Variants in PAWR observed in about 807,000 individuals in gnomAD.
PAWR encodes PRKC apoptosis WT1 regulator protein.
PAWR carries 23 observed loss-of-function variants against 32.0 expected under a neutral mutation model. That is an observed-to-expected ratio of 0.72 (90% CI 0.52 to 1.02). The LOEUF (loss-of-function observed/expected upper bound fraction) is 1.02, where lower values mean the gene tolerates loss of function less well. Among genes scored for constraint, PAWR ranks in the 50% least tolerant of loss-of-function variants. The probability of loss-of-function intolerance (pLI) is 0.00; values close to 1 mark genes in which losing one functional copy is unlikely to be tolerated. For synonymous variants in PAWR, 226 were observed against 187.1 expected, an observed-to-expected ratio of 1.21 and a Z score of -1.70; for missense variants, 457 against 437.7, an observed-to-expected ratio of 1.04 and a Z score of -0.39.
Position 79,587,124 on chromosome 12 carries a change from G to C in PAWR, c.*5483C>G, listed in dbSNP as rs1181653913. 1 of 152,104 alleles carries C rather than the reference G, an allele frequency of 6.6e-6. No individual in the cohort carries two copies. Among genetic ancestry groups the C allele is most frequent in the Non-Finnish European group, 1.5e-5 (1 of 67,976 alleles). 9.4% of individuals were successfully genotyped at this position (152,104 alleles called of 1,614,324 possible). ...AATTGAGTTTGATGAAGTCTAAGAT[G>C]AAAGGTTCCATTTCATGTAAGATTA... On this transcript the variant is annotated 3_prime_UTR_variant, in exon 7 of 7. Coordinates refer to ENST00000328827, the MANE Select transcript of PAWR (RefSeq NM_002583.4).
chr12:79,616,608 G>A (rs1164271134), intron 3 of PAWR, among the ~76,000 whole-genome samples: 4 of 152,084 alleles, frequency 2.6e-5, no homozygotes, highest in African/African-American at 9.7e-5. Flanking sequence ...TTCACACTTT[G>A]ACCCAATTAT....
intron 2 of PAWR, among the ~76,000 whole-genome samples, chr12:79,621,448 T>C (rs560387447): frequency 1.3e-5 from 2 of 152,312 alleles, no homozygotes; most frequent in East Asian, 3.9e-4. Context: ...CAAACATCAG[T>C]GACAGGGTTT....
At chr12:79,611,070 T>C (rs550089350) in intron 4 of PAWR, among the ~76,000 whole-genome samples, 2 of 149,526 alleles carry the variant, frequency 1.3e-5, no homozygotes, top group Non-Finnish European at 3.0e-5. Context: ...TATAAGAGCA[T>C]ACATTCAAAT....
At chr12:79,646,106 T>C (rs1335940214) in intron 2 of PAWR, among the ~76,000 whole-genome samples, 2 of 152,150 alleles carry the variant, frequency 1.3e-5, no homozygotes, top group African/African-American at 4.8e-5. Flanking sequence ...TTGCATTACA[T>C]TGATTGAGCA....
intron 2 of PAWR, among the ~76,000 whole-genome samples, chr12:79,648,982 T>C (rs999637356): frequency 3.3e-5 from 5 of 152,164 alleles, no homozygotes; most frequent in African/African-American, 1.2e-4. Flanking sequence ...ATAATGTCAC[T>C]TGGAAAACAG....
At chr12:79,640,087 T>G (rs1876248226) in intron 2 of PAWR, among the ~76,000 whole-genome samples, 1 of 151,984 alleles carries the variant, frequency 6.6e-6, no homozygotes, top group South Asian at 2.1e-4. Context: ...GTATTTTTAG[T>G]AAAGACAAGG....
chr12:79,690,075 G>A lies in PAWR; in HGVS notation c.170C>T (p.Ala57Val), dbSNP rs1053236936. Residue 57 changes from alanine (A) to valine (V), a missense_variant, in exon 2 of 7, where the codon GCT (alanine) becomes GTT (valine). Physicochemically the swap from Ala to Val is moderately conservative, Grantham distance 64. Coordinates refer to ENST00000328827, the MANE Select transcript of PAWR (RefSeq NM_002583.4). ...SDAAGKPPAG[A>V]LGTPAAAAAN... ...AGCGGCGGCCGCCGGGGTGCCCAGAGCCCCCGCGGGGGGCTTCCCAGCGGC... is the reference window on the plus strand; with the variant it reads ...AGCGGCGGCCGCCGGGGTGCCCAGAACCCCCGCGGGGGGCTTCCCAGCGGC... The A allele has an allele frequency of 7.1e-7, 1 of 1,412,672 alleles. No individual in the cohort carries two copies. Among genetic ancestry groups the A allele is most frequent in the Non-Finnish European group, 9.1e-7 (1 of 1,094,114 alleles). The allele number at this position is 1,412,672 out of a possible 1,614,324, so 87.5% of individuals were successfully genotyped here.
At chr12:79,680,922 C>T (rs1592556290) in intron 2 of PAWR, among the ~76,000 whole-genome samples, 1 of 151,612 alleles carries the variant, frequency 6.6e-6, no homozygotes, top group African/African-American at 2.4e-5. Context: ...GAGTTCAAGA[C>T]CAGCAACATA....
At chr12:79,619,516 A>G (rs1215878302) in intron 3 of PAWR, among the ~76,000 whole-genome samples, 1 of 152,248 alleles carries the variant, frequency 6.6e-6, no homozygotes, top group Non-Finnish European at 1.5e-5. Context: ...AAGGAAGGAA[A>G]AACAAATATG....
At chr12:79,656,614 GCAGACTAGCACA>G (rs980308446) in intron 2 of PAWR, among the ~76,000 whole-genome samples, 1 of 152,114 alleles carries the variant, frequency 6.6e-6, no homozygotes, top group African/African-American at 2.4e-5. Flanking sequence ...TGTCCAATAG[GCAGACTAGCACA>G]CAGGTCTCAA....
chr12:79,604,774 A>C, intron 4 of PAWR: 6 of 881,974 alleles, frequency 6.8e-6, no homozygotes, highest in Non-Finnish European at 9.5e-6. Flanking sequence ...AAAAATCAAA[A>C]TCAACTCCCA....
At chr12:79,598,987 G>A (rs766895756) in intron 4 of PAWR, among the ~76,000 whole-genome samples, 6 of 152,108 alleles carry the variant, frequency 3.9e-5, no homozygotes, top group Non-Finnish European at 5.9e-5. Context: ...CACCTGCCCC[G>A]GCCTCCCAAA....
At chr12:79,690,428 C>T (rs1033625219) in intron 1 of PAWR, 37 bp from the exon 2 acceptor site, 15 of 1,253,386 alleles carry the variant, frequency 1.2e-5, no homozygotes, top group African/African-American at 1.6e-5. Flanking sequence ...GTAAGGGAAG[C>T]GTAAGATCCC....
chr12:79,685,060 C>T (rs1383254939), intron 2 of PAWR, among the ~76,000 whole-genome samples: 2 of 152,158 alleles, frequency 1.3e-5, no homozygotes, highest in Non-Finnish European at 2.9e-5. Flanking sequence ...ACTTAATAAG[C>T]ACACCATAAA....
At chr12:79,632,361 A>ATATATATATATATATT (rs1566011212) in intron 2 of PAWR, among the ~76,000 whole-genome samples, 3 of 20,606 alleles carry the variant, frequency 1.5e-4, no homozygotes, top group Non-Finnish European at 2.3e-4. Flanking sequence ...ATATATATAT[A>ATATATATATATATATT]TTTTTTTTTT....
At chr12:79,689,705 G>A in intron 2 of PAWR, 24 bp downstream of exon 2, 2 of 1,533,728 alleles carry the variant, frequency 1.3e-6, no homozygotes, top group Non-Finnish European at 1.7e-6. Context: ...GGCCCGGTCC[G>A]GCTGCGGCCC....
At chr12:79,610,459 T>C (rs1566001062) in intron 4 of PAWR, among the ~76,000 whole-genome samples, 1 of 152,188 alleles carries the variant, frequency 6.6e-6, no homozygotes, top group Non-Finnish European at 1.5e-5. Flanking sequence ...AGTCATGTTT[T>C]ATTCAAATAA....
chr12:79,638,893 T>TATATATATAC (rs1876131981), intron 2 of PAWR, among the ~76,000 whole-genome samples: 1 of 21,058 alleles, frequency 4.7e-5, no homozygotes, highest in African/African-American at 2.8e-4. Context: ...TATATATATA[T>TATATATATAC]ATATTTTTTT....
intron 2 of PAWR, among the ~76,000 whole-genome samples, chr12:79,629,841 T>C (rs1464052519): frequency 6.6e-6 from 1 of 152,054 alleles, no homozygotes; most frequent in African/African-American, 2.4e-5. Flanking sequence ...GAAAGCTACC[T>C]GAAAAATCTG....
Sources: gnomAD v4.1 joint callset for allele counts (sites outside exome capture counted in the v4.1 genomes callset) on GRCh38, gnomAD v4.1.1 for gene constraint, MANE v1.5 for transcripts, NCBI Gene and HGNC (gene_info 2026-07-23, HGNC 2026-07-21) for gene names.